SDCCAG8: variants seen among roughly 807,000 people sequenced by gnomAD.
SDCCAG8 encodes serologically defined colon cancer antigen 8.
Under a neutral mutation model 101.8 loss-of-function variants are expected in SDCCAG8, and 74 were observed. That is an observed-to-expected ratio of 0.73 (90% CI 0.60 to 0.88). The LOEUF (loss-of-function observed/expected upper bound fraction) is 0.88, where lower values mean the gene tolerates loss of function less well. SDCCAG8 is among the 40% of genes least tolerant of loss of function. The pLI is 0.00. For synonymous variants in SDCCAG8, 281 were observed against 292.9 expected (o/e 0.96, Z 0.41); for missense variants, 787 against 822.6 (o/e 0.96, Z 0.53).
intron 16 of SDCCAG8, among the ~76,000 whole-genome samples, chr1:243,472,527 G>A (rs1661471198): frequency 6.6e-6 from 1 of 152,198 alleles, no homozygotes; most frequent in Non-Finnish European, 1.5e-5. Context: ...CAGCATCCAG[G>A]TTAAAAATGA....
chr1:243,326,224 A>T (rs537749604), intron 9 of SDCCAG8, among the ~76,000 whole-genome samples: 36 of 152,320 alleles, frequency 2.4e-4, no homozygotes, highest in African/African-American at 4.1e-4. Context: ...TGAACTTTTT[A>T]AAAAAGTTAA....
intron 16 of SDCCAG8, among the ~76,000 whole-genome samples, chr1:243,473,338 G>A (rs1004528838): frequency 1.2e-4 from 18 of 151,822 alleles, no homozygotes; most frequent in Admixed American, 5.2e-4. Context: ...TCTCTTTCCC[G>A]CCACCATCAC....
At chr1:243,256,380 TGAG>T (rs2066681402) in intron 1 of SDCCAG8, 140 bp downstream of exon 1, 1 of 712,068 alleles carries the variant, frequency 1.4e-6, no homozygotes, top group East Asian at 2.7e-5. Context: ...GCTGTGGTCT[TGAG>T]GAGGATGAAA....
chr1:243,284,154 G>A (rs2069353310), intron 4 of SDCCAG8, among the ~76,000 whole-genome samples: 1 of 152,136 alleles, frequency 6.6e-6, no homozygotes, highest in Admixed American at 6.6e-5. Context: ...CAGTCTTTTA[G>A]CATGTCTTGT....
In SDCCAG8 at chr1:243,454,975, C is replaced by T. The variant is rs556518072; in HGVS notation, c.1985+28417C>T. On this transcript the variant is annotated intron_variant, in intron 16 of 17. Transcript: ENST00000366541. ...GACAAAATGAATAGATCCACCATGACGTAATTTTCTAACTGTTCATTTGTT... is the reference window on the plus strand; with the variant it reads ...GACAAAATGAATAGATCCACCATGATGTAATTTTCTAACTGTTCATTTGTT... Among the ~76,000 whole-genome samples the T allele has an allele frequency of 8.5e-5, 13 of 152,184 alleles. No individual in the cohort carries two copies. In the East Asian group the frequency reaches 1.7e-3, roughly 20 times the overall value.
chr1:243,454,506 C>T (rs557893636), intron 16 of SDCCAG8, among the ~76,000 whole-genome samples: 20 of 152,136 alleles, frequency 1.3e-4, no homozygotes, highest in Admixed American at 3.9e-4. Flanking sequence ...CCGTGCACCA[C>T]AGCCTACATC....
At chr1:243,353,880 A>G (rs1274578834) in intron 12 of SDCCAG8, among the ~76,000 whole-genome samples, 1 of 152,208 alleles carries the variant, frequency 6.6e-6, no homozygotes, top group African/African-American at 2.4e-5. Context: ...AAAAATTTTA[A>G]GATTTTTCAA....
intron 13 of SDCCAG8, among the ~76,000 whole-genome samples, chr1:243,410,337 G>A (rs1193839558): frequency 1.3e-5 from 2 of 152,178 alleles, no homozygotes; most frequent in Non-Finnish European, 2.9e-5. Flanking sequence ...TATTGGGACA[G>A]GTGTACATTT....
At chr1:243,377,061 C>T (rs2077641057) in intron 12 of SDCCAG8, among the ~76,000 whole-genome samples, 1 of 152,040 alleles carries the variant, frequency 6.6e-6, no homozygotes, top group South Asian at 2.1e-4. Context: ...CTCTATAACT[C>T]AGTTGGTGTT....
chr1:243,386,667 C>T (rs1042500548), intron 13 of SDCCAG8, among the ~76,000 whole-genome samples: 2 of 152,056 alleles, frequency 1.3e-5, no homozygotes, highest in Admixed American at 6.5e-5. Flanking sequence ...GCAGGAGAAT[C>T]TCTTGAACCC....
intron 16 of SDCCAG8, chr1:243,476,395 A>C: frequency 1.0e-6 from 1 of 980,182 alleles, no homozygotes; most frequent in Non-Finnish European, 1.2e-6. Context: ...CTGGTTACTT[A>C]GCTGCTGTGG....
At chr1:243,410,071 G>C (rs1378864708) in intron 13 of SDCCAG8, among the ~76,000 whole-genome samples, 1 of 152,152 alleles carries the variant, frequency 6.6e-6, no homozygotes, top group African/African-American at 2.4e-5. Flanking sequence ...AGAGAGGCCT[G>C]GGACAGCTCA....
At chr1:243,352,700 G>T (rs2076147606) in intron 12 of SDCCAG8, among the ~76,000 whole-genome samples, 1 of 152,086 alleles carries the variant, frequency 6.6e-6, no homozygotes, top group African/African-American at 2.4e-5. Flanking sequence ...ATAAACATAA[G>T]CACATTAACA....
intron 13 of SDCCAG8, among the ~76,000 whole-genome samples, chr1:243,407,627 T>G (rs1283277269): frequency 1.3e-5 from 2 of 152,224 alleles, no homozygotes; most frequent in Non-Finnish European, 2.9e-5. Context: ...AGAACATTTT[T>G]GGAGGGAAAA....
rs182223013 is a variant in SDCCAG8, at chr1:243,396,594, A to G, written c.1616+17731A>G. On this transcript the variant is annotated intron_variant, in intron 13 of 17. Transcript: ENST00000366541. The stretch of plus-strand genomic sequence containing the variant: ...CATTAGTGAAAATATTTATTCCTCA[A>G]GTTAATGCTATATAGTATGATGCAA... Among the ~76,000 whole-genome samples, 6 of 152,356 alleles carry G rather than the reference A, an allele frequency of 3.9e-5. No homozygotes were observed. The East Asian group carries it at 1.2e-3, about 29-fold the overall frequency.
At chr1:243,284,911 C>T (rs1251538032) in intron 4 of SDCCAG8, among the ~76,000 whole-genome samples, 4 of 151,272 alleles carry the variant, frequency 2.6e-5, no homozygotes, top group African/African-American at 9.7e-5. Flanking sequence ...GAGACGGAGT[C>T]TCGCTCTGTC....
At chr1:243,398,791 G>T (rs2079183916) in intron 13 of SDCCAG8, among the ~76,000 whole-genome samples, 2 of 152,264 alleles carry the variant, frequency 1.3e-5, no homozygotes, top group African/African-American at 4.8e-5. Context: ...CTTCTTATAG[G>T]TAGAACCAAT....
At chr1:243,414,397 G>A (rs923327176) in intron 13 of SDCCAG8, among the ~76,000 whole-genome samples, 2 of 152,098 alleles carry the variant, frequency 1.3e-5, no homozygotes, top group African/African-American at 2.4e-5. Context: ...GTTTGGAACC[G>A]AGTGCGACGC....
chr1:243,259,893 T>A (rs1004195532), intron 1 of SDCCAG8, among the ~76,000 whole-genome samples: 3 of 152,090 alleles, frequency 2.0e-5, no homozygotes, highest in Non-Finnish European at 4.4e-5. Context: ...GGTACTATTA[T>A]GGTATATCAA....
Sources: allele counts gnomAD v4.1 joint callset (sites outside exome capture counted in the v4.1 genomes callset), GRCh38; gene constraint gnomAD v4.1.1; transcripts MANE v1.5; gene names NCBI Gene and HGNC (gene_info 2026-07-23, HGNC 2026-07-21).